The following DOCK2 variants were observed in gnomAD, a reference collection of about 807,000 sequenced individuals.
The protein encoded by DOCK2 is dedicator of cytokinesis 2, also known as dedicator of cytokinesis protein 2.
Under a neutral mutation model 248.9 loss-of-function variants are expected in DOCK2, and 87 were observed. The observed-to-expected ratio is 0.35, with a 90% CI of 0.29 to 0.42. DOCK2 has a LOEUF of 0.42. DOCK2 is among the 10% of genes least tolerant of loss of function. DOCK2 has a pLI of 1.00. For missense variants in DOCK2, 1,747 were observed against 2,300.2 expected, an observed-to-expected ratio of 0.76 and a Z score of 4.92; for synonymous variants, 805 against 821.6, an observed-to-expected ratio of 0.98 and a Z score of 0.35.
At chr5:169,879,327 C>G (rs1463208304) in intron 27 of DOCK2, among the ~76,000 whole-genome samples, 2 of 152,116 alleles carry the variant, frequency 1.3e-5, no homozygotes, top group Non-Finnish European at 2.9e-5. Flanking sequence ...ATCTGACTTT[C>G]CAGAACACAA....
At chr5:170,017,359 T>A (rs17738444) in intron 32 of DOCK2, among the ~76,000 whole-genome samples, 2 of 151,878 alleles carry the variant, frequency 1.3e-5, no homozygotes, top group African/African-American at 4.8e-5. Context: ...TGATGAAATA[T>A]AGAGGTGTGA....
chr5:169,846,407 G>A (rs993471946), intron 27 of DOCK2, among the ~76,000 whole-genome samples: 1 of 152,144 alleles, frequency 6.6e-6, no homozygotes, highest in African/African-American at 2.4e-5. Context: ...TGAATTGTTG[G>A]TGACAAATGA....
intron 27 of DOCK2, among the ~76,000 whole-genome samples, chr5:169,860,854 C>T (rs949976706): frequency 2.0e-5 from 3 of 152,196 alleles, no homozygotes; most frequent in Non-Finnish European, 4.4e-5. Flanking sequence ...GGCTTAGCAG[C>T]CTCAATAGCA....
chr5:169,689,363 G>A, intron 9 of DOCK2, 30 bp downstream of exon 9: 1 of 1,611,566 alleles, frequency 6.2e-7, no homozygotes, highest in Non-Finnish European at 8.5e-7. Context: ...TCGTTACCGT[G>A]CTCCCCAACC....
intron 33 of DOCK2, among the ~76,000 whole-genome samples, chr5:170,022,928 G>T (rs1041489655): frequency 2.0e-5 from 3 of 152,218 alleles, no homozygotes; most frequent in African/African-American, 7.2e-5. Flanking sequence ...ACAGGGAGGT[G>T]CATTCCAGCA....
chr5:169,641,238 T>C (rs1355853576), intron 1 of DOCK2, among the ~76,000 whole-genome samples: 1 of 152,234 alleles, frequency 6.6e-6, no homozygotes, highest in East Asian at 1.9e-4. Context: ...TCTGAGGTAC[T>C]GGGAGTTGAG....
intron 22 of DOCK2, among the ~76,000 whole-genome samples, chr5:169,740,196 T>C (rs142432264): frequency 5.0e-4 from 76 of 152,378 alleles, no homozygotes; most frequent in African/African-American, 1.5e-3. Context: ...ACCTACTTAC[T>C]ATTAATTTAT....
rs1178316936 is a variant in DOCK2 at position 169,804,612 on chromosome 5, C to T, written c.2703+1406C>T. ...TATTTGTTGGTTTCTAGGCACTGTG[C>T]TAAATGCAATCTGCGCATTCTCTCT... On this transcript the variant is annotated intron_variant, in intron 26 of 51. Coordinates refer to ENST00000520908, the MANE Select transcript of DOCK2 (RefSeq NM_004946.3). 2.6e-5 allele frequency among the ~76,000 whole-genome samples: 4 copies of T among 152,222 alleles called. No homozygotes were observed. In the East Asian group the frequency reaches 7.7e-4, roughly 29 times the overall value.
intron 26 of DOCK2, among the ~76,000 whole-genome samples, chr5:169,821,788 T>C (rs989858312): frequency 6.6e-6 from 1 of 152,152 alleles, no homozygotes; most frequent in Non-Finnish European, 1.5e-5. Context: ...TAAATGTAAA[T>C]GGGCTAAATG....
At chr5:169,688,744 A>G (rs938782036) in intron 8 of DOCK2, among the ~76,000 whole-genome samples, 7 of 152,204 alleles carry the variant, frequency 4.6e-5, no homozygotes, top group Non-Finnish European at 1.5e-5. Flanking sequence ...TATCTTAGAT[A>G]ATGGCTGAGA....
At chr5:169,936,768 A>G (rs959713558) in intron 27 of DOCK2, among the ~76,000 whole-genome samples, 1 of 152,128 alleles carries the variant, frequency 6.6e-6, no homozygotes, top group African/African-American at 2.4e-5. Flanking sequence ...ATCTCTGATC[A>G]GAGGATACTA....
chr5:169,881,270 G>GC, intron 27 of DOCK2: 2 of 946,750 alleles, frequency 2.1e-6, no homozygotes, highest in Middle Eastern at 2.1e-4. Flanking sequence ...CCTTGTTTTT[G>GC]CCTCTCTTGA....
chr5:169,681,597 T>C (rs546840932), intron 6 of DOCK2, 147 bp from the exon 7 acceptor site: 1 of 932,822 alleles, frequency 1.1e-6, no homozygotes, highest in African/African-American at 1.7e-5. Context: ...ATGTGCTCAC[T>C]AGCAGTGTCC....
chr5:169,886,677 T>A (rs2113523027), intron 27 of DOCK2, among the ~76,000 whole-genome samples: 1 of 152,370 alleles, frequency 6.6e-6, no homozygotes, highest in South Asian at 2.1e-4. Context: ...GCAGTTGAAA[T>A]TTGTGAGATG....
At chr5:170,052,888 G>A (rs958492345) in intron 41 of DOCK2, among the ~76,000 whole-genome samples, 30 of 152,362 alleles carry the variant, frequency 2.0e-4, no homozygotes, top group African/African-American at 7.0e-4. Context: ...CAACTAGGAA[G>A]TGATGGAGCT....
At chr5:169,705,367 T>G (rs1420081001) in intron 14 of DOCK2, among the ~76,000 whole-genome samples, 1 of 152,126 alleles carries the variant, frequency 6.6e-6, no homozygotes, top group African/African-American at 2.4e-5. Context: ...AAGAAACCTC[T>G]GTTTTTCTGA....
chr5:169,875,468 G>C, intron 27 of DOCK2: 1 of 346,726 alleles, frequency 2.9e-6, no homozygotes, highest in Non-Finnish European at 5.8e-6. Context: ...ATATCCTTCA[G>C]ATGAGTCTGG....
chr5:169,688,055 G>T (rs1760085249), intron 8 of DOCK2, among the ~76,000 whole-genome samples: 1 of 152,182 alleles, frequency 6.6e-6, no homozygotes, highest in South Asian at 2.1e-4. Context: ...CACCCTAGTA[G>T]CTGGGACTAC....
chr5:169,704,743 C>G lies in DOCK2; in HGVS notation c.1383+2316C>G, dbSNP rs528523833. Among the ~76,000 whole-genome samples the G allele has an allele frequency of 7.4e-5, 11 of 149,442 alleles. No individual in the cohort carries two copies. In the South Asian group the frequency reaches 2.2e-3, roughly 29 times the overall value. On this transcript the variant is annotated intron_variant, in intron 14 of 51. Transcript: ENST00000520908. Reference sequence around the variant, plus strand: ...ATTGTATGCCTCTATCAAAACATCTCATTTACTCCATATATATGTGTGTGT... The same window carrying G: ...ATTGTATGCCTCTATCAAAACATCTGATTTACTCCATATATATGTGTGTGT...
Sources: gnomAD v4.1 joint callset for allele counts (sites outside exome capture counted in the v4.1 genomes callset) on GRCh38, gnomAD v4.1.1 for gene constraint, MANE v1.5 for transcripts, NCBI Gene and HGNC (gene_info 2026-07-23, HGNC 2026-07-21) for gene names.